LRRC74A: variants seen among roughly 807,000 people sequenced by gnomAD.
LRRC74A encodes the protein leucine rich repeat containing 74A, also known as leucine-rich repeat-containing protein 74A.
LRRC74A carries 44 observed loss-of-function variants against 57.9 expected under a neutral mutation model. The ratio of observed to expected loss-of-function variants is 0.76; its 90% CI spans 0.60 to 0.98. The LOEUF is 0.98. LRRC74A is among the 50% of genes least tolerant of loss of function. The pLI, the probability that LRRC74A is intolerant of heterozygous loss-of-function variation, is 0.00. For synonymous variants in LRRC74A, 211 were observed against 219.4 expected (o/e 0.96, Z 0.34); for missense variants, 572 against 574.0 (o/e 1.00, Z 0.04).
chr14:76,835,577 T>C (rs920121876), intron 3 of LRRC74A, among the ~76,000 whole-genome samples: 1 of 151,726 alleles, frequency 6.6e-6, no homozygotes, highest in African/African-American at 2.4e-5. Flanking sequence ...AGACTTGAGG[T>C]CACCTCCTAG....
Position 76,837,982 on chromosome 14 carries a change from G to A in LRRC74A, c.544+11G>A, listed in dbSNP as rs1896485432. On this transcript the variant is annotated intron_variant, in intron 5 of 13. Coordinates refer to ENST00000689127, the MANE Select transcript of LRRC74A (RefSeq NM_001385106.1). ...GCCTTGAGCTTTCAGGTGAGCACAT[G>A]GAAAGGGAGGGAGAAGACACTGGGA... 4 of 1,496,384 alleles carry A rather than the reference G, an allele frequency of 2.7e-6. No individual in the cohort carries two copies. The East Asian group carries it at 9.5e-5, about 36-fold the overall frequency. 92.7% of individuals were successfully genotyped at this position (1,496,384 alleles called of 1,614,324 possible).
intron 5 of LRRC74A, among the ~76,000 whole-genome samples, chr14:76,838,911 T>G (rs1039764863): frequency 5.9e-5 from 9 of 152,356 alleles, no homozygotes; most frequent in African/African-American, 2.2e-4. Flanking sequence ...TTAGTTCGTG[T>G]ATTTTTAACA....
chr14:76,863,385 G>T (rs1400957016), intron 11 of LRRC74A, among the ~76,000 whole-genome samples: 1 of 152,110 alleles, frequency 6.6e-6, no homozygotes, highest in Non-Finnish European at 1.5e-5. Context: ...ATTGCTTCCG[G>T]ATCCTCTTTG....
chr14:76,840,715 C>A (rs11626264), intron 5 of LRRC74A, among the ~76,000 whole-genome samples: 31,473 of 151,292 alleles, frequency 0.21, 3,383 homozygotes, highest in East Asian at 0.36. Context: ...TCCCGAGTAG[C>A]GGGGACTACA....
At chr14:76,867,474 C>T in intron 13 of LRRC74A, 36 bp downstream of exon 13, 1 of 1,156,458 alleles carries the variant, frequency 8.6e-7, no homozygotes, top group Non-Finnish European at 1.3e-6. Flanking sequence ...CCGTTCTCTG[C>T]AAGGGGCCCT....
chr14:76,867,049 A>AGTGT (rs150440663), intron 12 of LRRC74A, among the ~76,000 whole-genome samples: 249 of 318 alleles, frequency 0.78, 118 homozygotes, highest in Admixed American at 0.9. Context: ...TGCATGTGGT[A>AGTGT]GTGTGTGGGG....
chr14:76,844,715 AT>A, intron 6 of LRRC74A, 104 bp from the exon 7 acceptor site: 2 of 727,320 alleles, frequency 2.7e-6, no homozygotes, highest in Non-Finnish European at 2.4e-6. Flanking sequence ...TCTTCACCTA[AT>A]TTTTGGTACA....
intron 10 of LRRC74A, among the ~76,000 whole-genome samples, chr14:76,860,483 C>T (rs553042884): frequency 5.1e-4 from 77 of 152,326 alleles, no homozygotes; most frequent in African/African-American, 1.8e-3. Flanking sequence ...TCAACAAAAA[C>T]ATCCCATCAA....
chr14:76,829,276 G>A, intron 2 of LRRC74A: 1 of 998,948 alleles, frequency 1.0e-6, no homozygotes, highest in South Asian at 1.4e-5. Flanking sequence ...AGGAAGGCCA[G>A]TTCTGCCAAA....
In LRRC74A at chr14:76,829,272, GCCAGTT is replaced by G. The variant is rs1895806770; in HGVS notation, c.166+855_166+860del. The stretch of plus-strand genomic sequence containing the variant: ...TCACAGGCAGCAGAGATGGAGGAAG[GCCAGTT>G]CTGCCAAATTAAACTGTGAAGTTCA... On this transcript the variant is annotated intron_variant, in intron 2 of 13. Coordinates refer to ENST00000689127, the MANE Select transcript of LRRC74A (RefSeq NM_001385106.1). 3.0e-6 allele frequency: 3 copies of G among 1,005,208 alleles called. No homozygotes were observed. The South Asian group carries it at 4.2e-5, about 14-fold the overall frequency. The allele number at this position is 1,005,208 out of a possible 1,614,324, so 62.3% of individuals were successfully genotyped here. A position where few individuals can be genotyped will look rare whatever the true frequency, so the allele number is the denominator to read the frequency against.
In LRRC74A at chr14:76,826,520, C is replaced by T; in HGVS notation, c.-178C>T. 1 of 1,605,212 alleles carries T rather than the reference C, an allele frequency of 6.2e-7. No individual in the cohort carries two copies. Among genetic ancestry groups the T allele is most frequent in the Non-Finnish European group, 8.5e-7 (1 of 1,175,866 alleles). On this transcript the variant is annotated 5_prime_UTR_variant, in exon 1 of 14. Coordinates refer to ENST00000689127, the MANE Select transcript of LRRC74A (RefSeq NM_001385106.1). The stretch of plus-strand genomic sequence containing the variant: ...CATGCACATCCAATTCCCATCAAAG[C>T]CTACTCTTCCCAGGGCTTGCTGGGA...
At chr14:76,852,225 C>A in intron 7 of LRRC74A, 140 bp from the exon 8 acceptor site, 1 of 594,172 alleles carries the variant, frequency 1.7e-6, no homozygotes, top group East Asian at 3.1e-5. Context: ...AAATGAATAA[C>A]TAAAAAAATT....
intron 5 of LRRC74A, among the ~76,000 whole-genome samples, chr14:76,842,751 G>T (rs953598435): frequency 8.5e-6 from 1 of 117,558 alleles, no homozygotes; most frequent in Non-Finnish European, 1.8e-5. Flanking sequence ...ATTATTGAGG[G>T]TTCAAAGGAG....
rs770265580 is a variant in LRRC74A, at chr14:76,867,397, G to C, written c.1350G>C (p.Val450=). 1 of 1,603,672 alleles carries C rather than the reference G, an allele frequency of 6.2e-7. No homozygotes were observed. The highest frequency in any genetic ancestry group is 1.7e-5 in the Admixed American group (1 of 59,872). ...VPLNQYQVRE[V]IKKLDEKTGM... ...TGAACCAGTACCAGGTCAGGGAGGT[G>C]ATAAAGAAGCTCGATGAGAAGACAG... is the stretch of plus-strand genomic sequence containing the variant. The change falls in exon 13 of 14, where the codon GTG becomes GTC. Residue 450 remains valine, a synonymous_variant. Transcript: ENST00000689127.
chr14:76,840,341 T>C (rs1896667771), intron 5 of LRRC74A, among the ~76,000 whole-genome samples: 1 of 152,156 alleles, frequency 6.6e-6, no homozygotes, highest in African/African-American at 2.4e-5. Context: ...ATTTTTGTTG[T>C]TGTTGTGGTT....
chr14:76,832,516 C>A (rs1450820654), intron 3 of LRRC74A, among the ~76,000 whole-genome samples: 2 of 152,178 alleles, frequency 1.3e-5, no homozygotes, highest in South Asian at 4.1e-4. Flanking sequence ...CTATGTTGCC[C>A]AGGCTGGTCT....
chr14:76,837,940 C>T lies in LRRC74A; in HGVS notation c.513C>T (p.Asn171=), dbSNP rs2140269410. ...ARIISDFFER[N]SSSIWSLELS... Reference sequence around the variant, plus strand: ...TCATCTCAGATTTCTTTGAGAGAAACAGTTCTTCTATCTGGAGCCTTGAGC... The same window carrying T: ...TCATCTCAGATTTCTTTGAGAGAAATAGTTCTTCTATCTGGAGCCTTGAGC... Residue 171 remains asparagine, a synonymous_variant, in exon 5 of 14, where the codon AAC becomes AAT. Transcript: ENST00000689127. 6.3e-7 allele frequency: 1 copy of T among 1,583,960 alleles called. No homozygotes were observed. Among genetic ancestry groups the T allele is most frequent in the East Asian group, 2.3e-5 (1 of 44,134 alleles).
chr14:76,855,716 T>C (rs970042865), intron 9 of LRRC74A, among the ~76,000 whole-genome samples: 2 of 152,214 alleles, frequency 1.3e-5, no homozygotes, highest in Admixed American at 6.5e-5. Context: ...GTCTGCATTT[T>C]CTCACTGGAG....
intron 7 of LRRC74A, among the ~76,000 whole-genome samples, chr14:76,848,287 T>A (rs1030368781): frequency 7.5e-5 from 11 of 146,204 alleles, no homozygotes; most frequent in Admixed American, 2.1e-4. Flanking sequence ...GATAAAAAAA[T>A]AAAATAAAAT....
Sources: allele counts gnomAD v4.1 joint callset (sites outside exome capture counted in the v4.1 genomes callset), GRCh38; gene constraint gnomAD v4.1.1; transcripts MANE v1.5; gene names NCBI Gene and HGNC (gene_info 2026-07-23, HGNC 2026-07-21).